The following PLBD2 variants were observed in gnomAD, a reference collection of about 807,000 sequenced individuals.
PLBD2 encodes putative aminopeptidase PLBD2.
In PLBD2, 51 loss-of-function variants were observed where a neutral mutation model predicts 68.3. The ratio of observed to expected loss-of-function variants is 0.75; its 90% CI spans 0.60 to 0.94. The LOEUF (loss-of-function observed/expected upper bound fraction) is 0.94, where lower values mean the gene tolerates loss of function less well. PLBD2 is among the 40% of genes least tolerant of loss of function. PLBD2 has a pLI of 0.00. For synonymous variants in PLBD2, 314 were observed against 339.3 expected (o/e 0.93, Z 0.82); for missense variants, 729 against 792.2 (o/e 0.92, Z 0.96).
At chr12:113,371,424 A>G (rs35526182) in intron 2 of PLBD2, among the ~76,000 whole-genome samples, 7,599 of 152,272 alleles carry the variant, frequency 0.05, 226 homozygotes, top group Middle Eastern at 0.1. Context: ...ACAGAGGACA[A>G]CGTCCAGTGG....
At chr12:113,382,844 T>TGA (rs1957506353) in intron 6 of PLBD2, among the ~76,000 whole-genome samples, 1 of 126,522 alleles carries the variant, frequency 7.9e-6, no homozygotes, top group South Asian at 2.6e-4. Context: ...TTTGTGTGTG[T>TGA]GTGTGTGTGT....
Position 113,389,699 on chromosome 12 carries a change from CT to C in PLBD2, c.*1083del, listed in dbSNP as rs113585901. The C allele has an allele frequency of 1.3e-4, 19 of 148,276 alleles. No individual in the cohort carries two copies. Among genetic ancestry groups the C allele is most frequent in the East Asian group, 5.9e-4 (3 of 5,058 alleles). 9.2% of individuals were successfully genotyped at this position (148,276 alleles called of 1,614,324 possible). ...CCATCTGTCCATTTTCTTTCTTCTT[CT>C]TTTTTTTTTGTTTTTGTTTTTTCTG... On this transcript the variant is annotated 3_prime_UTR_variant, in exon 12 of 12. Transcript: ENST00000280800.
intron 2 of PLBD2, among the ~76,000 whole-genome samples, chr12:113,371,069 A>G (rs1461720811): frequency 6.6e-6 from 1 of 152,200 alleles, no homozygotes; most frequent in Non-Finnish European, 1.5e-5. Flanking sequence ...AAATGAAACA[A>G]AACAAAACCA....
At chr12:113,374,192 G>T (rs1433683853) in intron 3 of PLBD2, among the ~76,000 whole-genome samples, 3 of 152,198 alleles carry the variant, frequency 2.0e-5, no homozygotes, top group Non-Finnish European at 2.9e-5. Context: ...AGGCTGGGAG[G>T]CGTCCTAGAA....
intron 10 of PLBD2, among the ~76,000 whole-genome samples, chr12:113,387,351 G>A (rs927302620): frequency 1.3e-5 from 2 of 152,194 alleles, no homozygotes; most frequent in African/African-American, 4.8e-5. Context: ...GGTACCAGGA[G>A]CAACAGGTAG....
chr12:113,373,107 A>G (rs141887445), intron 3 of PLBD2, among the ~76,000 whole-genome samples: 209 of 152,360 alleles, frequency 1.4e-3, no homozygotes, highest in African/African-American at 4.8e-3. Context: ...GCTTGCATAC[A>G]AGGGAGGTTG....
Position 113,375,007 on chromosome 12 carries a change from G to A in PLBD2, c.859G>A (p.Gly287Arg), listed in dbSNP as rs748795079. ...YWLQFREGPWGDYPLVPGNKL... is the reference protein window; with the variant it reads ...YWLQFREGPWRDYPLVPGNKL... ...GCTCCAGTTCCGGGAAGGCCCCTGG[G>A]GTAGGTGGGTGTGGGTGTGTCTGGG... is the stretch of plus-strand genomic sequence containing the variant. Residue 287 changes from glycine (G) to arginine (R), a missense_variant and splice_region_variant, in exon 5 of 12, where the codon GGG (glycine) becomes AGG (arginine). Gly to Arg is a moderately radical substitution (Grantham distance 125). Coordinates refer to ENST00000280800, the MANE Select transcript of PLBD2 (RefSeq NM_173542.4). 6 of 1,614,012 alleles carry A rather than the reference G, an allele frequency of 3.7e-6. No homozygotes were observed.
chr12:113,372,500 A>T lies in PLBD2; in HGVS notation c.385-149A>T. 1.2e-6 allele frequency: 1 copy of T among 850,264 alleles called. No homozygotes were observed. The allele number at this position is 850,264 out of a possible 1,614,324, so 52.7% of individuals were successfully genotyped here. On this transcript the variant is annotated intron_variant, in intron 2 of 11. Coordinates refer to ENST00000280800, the MANE Select transcript of PLBD2 (RefSeq NM_173542.4). The surrounding 1 kb of genome is among the most constrained non-coding windows in gnomAD (Gnocchi z 4.2). ...CTATCCGGGGCAGAGCTGGGCAGGG[A>T]GAGGAGCCTCCAGGGAGAGGACAGC...
At chr12:113,360,224 A>T (rs932436445) in intron 1 of PLBD2, among the ~76,000 whole-genome samples, 1 of 152,106 alleles carries the variant, frequency 6.6e-6, no homozygotes, top group East Asian at 1.9e-4. Flanking sequence ...AGAGGAGGCC[A>T]CAGAGTGAGC....
intron 1 of PLBD2, among the ~76,000 whole-genome samples, chr12:113,360,279 G>A (rs1472070702): frequency 1.3e-5 from 2 of 152,168 alleles, no homozygotes; most frequent in East Asian, 1.9e-4. Flanking sequence ...GGCCTCGGGG[G>A]CTGCCGGGAC....
intron 1 of PLBD2, among the ~76,000 whole-genome samples, chr12:113,361,341 GT>G (rs1371619529): frequency 0.054 from 5,968 of 110,590 alleles, 94 homozygotes; most frequent in East Asian, 0.21. Flanking sequence ...TTTTTTTTTT[GT>G]TTTTTTTTTT....
chr12:113,369,789 G>C (rs1056768039), intron 2 of PLBD2, among the ~76,000 whole-genome samples: 1 of 152,130 alleles, frequency 6.6e-6, no homozygotes, highest in Non-Finnish European at 1.5e-5. Context: ...GTGGGGAGTG[G>C]GGAGTGACTG....
intron 6 of PLBD2, among the ~76,000 whole-genome samples, chr12:113,381,456 A>T (rs956734315): frequency 6.6e-6 from 1 of 152,134 alleles, no homozygotes; most frequent in African/African-American, 2.4e-5. Context: ...GGGCAACGAG[A>T]CAGAGGAGAA....
At chr12:113,369,048 C>A in intron 1 of PLBD2, 68 bp from the exon 2 acceptor site, 1 of 1,068,776 alleles carries the variant, frequency 9.4e-7, no homozygotes, top group Non-Finnish European at 1.4e-6. Context: ...ATAGTTTAAG[C>A]CTGGAGATGC....
chr12:113,378,336 G>A (rs1957452293), intron 5 of PLBD2, among the ~76,000 whole-genome samples: 1 of 151,996 alleles, frequency 6.6e-6, no homozygotes, highest in African/African-American at 2.4e-5. Flanking sequence ...TGCATGGAAT[G>A]GGGTGCTATA....
At chr12:113,360,095 G>A (rs1053931989) in intron 1 of PLBD2, among the ~76,000 whole-genome samples, 2 of 152,126 alleles carry the variant, frequency 1.3e-5, no homozygotes, top group Non-Finnish European at 1.5e-5. Flanking sequence ...ACAGGATGCC[G>A]AGGACACCCC....
intron 8 of PLBD2, 67 bp downstream of exon 8, chr12:113,385,013 GC>G (rs1957536589): frequency 2.7e-6 from 4 of 1,478,108 alleles, no homozygotes; most frequent in Non-Finnish European, 3.7e-6. Flanking sequence ...AAGGCCCAGA[GC>G]CGTGCTGGCG....
In PLBD2 at chr12:113,384,302, C is replaced by T. The variant is rs751138211; in HGVS notation, c.1118+37C>T. On this transcript the variant is annotated intron_variant, in intron 7 of 11. Coordinates refer to ENST00000280800, the MANE Select transcript of PLBD2 (RefSeq NM_173542.4). This position sits in a 1 kb window ranked among gnomAD's most constrained non-coding sequence, Gnocchi z 4.2. ...TCTGGCCCTGTGGCTTCCCCTGCACCAAGAGATAGACCAACCTCCCCTTTA... is the reference window on the plus strand; with the variant it reads ...TCTGGCCCTGTGGCTTCCCCTGCACTAAGAGATAGACCAACCTCCCCTTTA... 6 of 1,579,504 alleles carry T rather than the reference C, an allele frequency of 3.8e-6. 1 individual carries two copies. In the Admixed American group the frequency reaches 1.1e-4, roughly 28 times the overall value.
chr12:113,373,504 C>CA (rs1957407996), intron 3 of PLBD2, among the ~76,000 whole-genome samples: 1 of 152,064 alleles, frequency 6.6e-6, no homozygotes, highest in African/African-American at 2.4e-5. Context: ...CACCCTAAGA[C>CA]AGACTCTTCT....
Sources: gnomAD v4.1 joint callset for allele counts (sites outside exome capture counted in the v4.1 genomes callset) on GRCh38, gnomAD v4.1.1 for gene constraint, Gnocchi (gnomAD v3.1) non-coding constraint, MANE v1.5 for transcripts, NCBI Gene and HGNC (gene_info 2026-07-23, HGNC 2026-07-21) for gene names.